Variants in BMP6 observed in about 807,000 individuals in gnomAD.
BMP6 encodes VG-1-R.
BMP6 carries 17 observed loss-of-function variants against 54.1 expected under a neutral mutation model. That is an observed-to-expected ratio of 0.31 (90% confidence interval 0.22 to 0.47). BMP6 has a LOEUF of 0.47. Ranked by LOEUF, BMP6 falls within the 20% of genes least tolerant of loss-of-function variation. The pLI is 1.00. For missense variants in BMP6, 720 were observed against 690.4 expected, an observed-to-expected ratio of 1.04 and a Z score of -0.48; for synonymous variants, 328 against 291.2, an observed-to-expected ratio of 1.13 and a Z score of -1.28.
Position 7,727,659 on chromosome 6 carries a change from C to T in BMP6, c.664+40C>T, listed in dbSNP as rs1761766776. On this transcript the variant is annotated intron_variant, in intron 1 of 6. Coordinates refer to ENST00000283147, the MANE Select transcript of BMP6 (RefSeq NM_001718.6). The stretch of plus-strand genomic sequence containing the variant: ...TAACGTAATGACGAGAACATTTCCC[C>T]CTTTTCAGTGTCCCGGGCCCAGGGG... 5 of 1,474,498 alleles carry T rather than the reference C, an allele frequency of 3.4e-6. 1 individual carries two copies. The highest frequency in any genetic ancestry group is 2.8e-5 in the South Asian group (2 of 71,692). The allele number at this position is 1,474,498 out of a possible 1,614,324, so 91.3% of individuals were successfully genotyped here.
intron 4 of BMP6, among the ~76,000 whole-genome samples, chr6:7,874,496 C>T (rs1191628616): frequency 6.6e-6 from 1 of 152,218 alleles, no homozygotes; most frequent in Non-Finnish European, 1.5e-5. Flanking sequence ...TGGCTCACGC[C>T]TGTAATCCCA....
intron 1 of BMP6, among the ~76,000 whole-genome samples, chr6:7,844,434 T>G (rs1759027211): frequency 6.6e-6 from 1 of 151,552 alleles, no homozygotes; most frequent in Non-Finnish European, 1.5e-5. Context: ...GGCATCTACA[T>G]GCAGATTAAA....
chr6:7,809,840 A>AT lies in BMP6; in HGVS notation c.665-35295dup, dbSNP rs367857859. 2.0e-3 allele frequency among the ~76,000 whole-genome samples: 299 copies of AT among 152,274 alleles called. 2 individuals carry two copies. The highest frequency in any genetic ancestry group is 6.9e-3 in the African/African-American group (287 of 41,570). ...GCCTCATCGGTTTGAATGCTTAGGA[A>AT]TTTTTCTAGGGAACAAAACATTATC... On this transcript the variant is annotated intron_variant, in intron 1 of 6. Coordinates refer to ENST00000283147, the MANE Select transcript of BMP6 (RefSeq NM_001718.6).
intron 1 of BMP6, among the ~76,000 whole-genome samples, chr6:7,822,922 T>C (rs1758638490): frequency 7.5e-6 from 1 of 134,046 alleles, no homozygotes; most frequent in South Asian, 2.2e-4. Flanking sequence ...TGTGTGTGTG[T>C]GTGTGTGTGT....
chr6:7,843,443 C>CTTTT (rs66907363), intron 1 of BMP6, among the ~76,000 whole-genome samples: 1 of 135,972 alleles, frequency 7.4e-6, no homozygotes. Context: ...TCTTTTCTTT[C>CTTTT]TTTTTTTTTT....
chr6:7,792,155 A>G (rs1374886841), intron 1 of BMP6, among the ~76,000 whole-genome samples: 1 of 152,202 alleles, frequency 6.6e-6, no homozygotes, highest in Non-Finnish European at 1.5e-5. Flanking sequence ...GGTGATGCCA[A>G]AGTGTCGAGG....
At chr6:7,873,998 G>C (rs537944622) in intron 4 of BMP6, among the ~76,000 whole-genome samples, 1 of 152,184 alleles carries the variant, frequency 6.6e-6, no homozygotes, top group East Asian at 1.9e-4. Context: ...AAGACTGTAA[G>C]TTGTGTGATC....
intron 1 of BMP6, among the ~76,000 whole-genome samples, chr6:7,814,213 C>T (rs1408790638): frequency 6.6e-6 from 1 of 152,178 alleles, no homozygotes; most frequent in Non-Finnish European, 1.5e-5. Context: ...GGGCAATCTC[C>T]CTTCTGATTG....
At chr6:7,845,395 A>G (rs1220464911) in intron 2 of BMP6, 63 bp downstream of exon 2, 2 of 1,475,458 alleles carry the variant, frequency 1.4e-6, no homozygotes, top group Non-Finnish European at 1.8e-6. Flanking sequence ...TTTTGTCATG[A>G]CAATAACCCC....
chr6:7,879,803 C>T (rs1320806957), intron 5 of BMP6, among the ~76,000 whole-genome samples, 188 bp from the exon 6 acceptor site: 1 of 152,158 alleles, frequency 6.6e-6, no homozygotes, highest in Non-Finnish European at 1.5e-5. Flanking sequence ...GTTCTGGGGT[C>T]AGATGGACCA....
At chr6:7,854,350 C>T (rs1759191289) in intron 2 of BMP6, among the ~76,000 whole-genome samples, 1 of 151,762 alleles carries the variant, frequency 6.6e-6, no homozygotes, top group Non-Finnish European at 1.5e-5. Flanking sequence ...AAATAAAAAA[C>T]TTTTTTAAAA....
At chr6:7,762,386 T>C (rs1477851198) in intron 1 of BMP6, among the ~76,000 whole-genome samples, 1 of 152,140 alleles carries the variant, frequency 6.6e-6, no homozygotes, top group African/African-American at 2.4e-5. Flanking sequence ...TCTTGAAGGT[T>C]TGCTTTAATG....
At chr6:7,832,602 G>A (rs975706029) in intron 1 of BMP6, among the ~76,000 whole-genome samples, 1 of 151,864 alleles carries the variant, frequency 6.6e-6, no homozygotes, top group African/African-American at 2.4e-5. Flanking sequence ...GTGGTTAGAG[G>A]AGCAGCAAAA....
chr6:7,819,255 C>T (rs1403255831), intron 1 of BMP6, among the ~76,000 whole-genome samples: 1 of 152,088 alleles, frequency 6.6e-6, no homozygotes, highest in Admixed American at 6.5e-5. Flanking sequence ...ACCAGTCTGT[C>T]CCAGTTTTAG....
At chr6:7,858,767 C>T (rs1225940886) in intron 2 of BMP6, among the ~76,000 whole-genome samples, 1 of 150,576 alleles carries the variant, frequency 6.6e-6, no homozygotes, top group Admixed American at 6.7e-5. Context: ...TAAGTCCATG[C>T]TCTGCCTCAC....
chr6:7,865,098 G>A (rs1054991105), intron 4 of BMP6, among the ~76,000 whole-genome samples: 2 of 152,114 alleles, frequency 1.3e-5, no homozygotes, highest in African/African-American at 4.8e-5. Context: ...ACACACTAAT[G>A]TTTTTAAATT....
chr6:7,847,443 C>T (rs978373669), intron 2 of BMP6, among the ~76,000 whole-genome samples: 4 of 152,118 alleles, frequency 2.6e-5, no homozygotes, highest in Admixed American at 6.5e-5. Context: ...GGACTCCTTT[C>T]GGGGGAAGGT....
At position 7,873,214 on chromosome 6, in the gene BMP6, G is replaced by A. The variant is rs183135401; in HGVS notation, c.1205-5860G>A. On this transcript the variant is annotated intron_variant, in intron 4 of 6. Coordinates refer to ENST00000283147, the MANE Select transcript of BMP6 (RefSeq NM_001718.6). ...ACACCAGGCACAAGTGAGGTCCACA[G>A]GGCAGCCATGCTTCTGTCTGTCTTG... Among the ~76,000 whole-genome samples, 7 of 152,288 alleles carry A rather than the reference G, an allele frequency of 4.6e-5. No homozygotes were observed. In the East Asian group the frequency reaches 1.4e-3, roughly 29 times the overall value.
intron 1 of BMP6, among the ~76,000 whole-genome samples, chr6:7,830,476 TTGGGGTGGGCCGTAAA>T (rs1758777021): frequency 6.6e-6 from 1 of 152,136 alleles, no homozygotes; most frequent in African/African-American, 2.4e-5. Context: ...CCCCTTGTGT[TTGGGGTGGGCCGTAAA>T]TGAGCTCTGA....
Sources: allele counts gnomAD v4.1 joint callset (sites outside exome capture counted in the v4.1 genomes callset), GRCh38; gene constraint gnomAD v4.1.1; transcripts MANE v1.5; gene names NCBI Gene and HGNC (gene_info 2026-07-23, HGNC 2026-07-21).